Variants in MYLK2 observed in about 807,000 individuals in gnomAD.
MYLK2 encodes myosin light chain kinase 2, skeletal/cardiac muscle.
MYLK2 carries 27 observed loss-of-function variants against 58.2 expected under a neutral mutation model. The observed-to-expected ratio is 0.46, with a 90% CI of 0.34 to 0.64. The LOEUF (loss-of-function observed/expected upper bound fraction) is 0.64, where lower values mean the gene tolerates loss of function less well. Among genes scored for constraint, MYLK2 ranks in the 30% least tolerant of loss-of-function variants. The probability of loss-of-function intolerance (pLI) is 0.01; values close to 1 mark genes in which losing one functional copy is unlikely to be tolerated. For synonymous variants in MYLK2, 310 were observed against 296.7 expected, an observed-to-expected ratio of 1.04 and a Z score of -0.46; for missense variants, 676 against 764.3, an observed-to-expected ratio of 0.88 and a Z score of 1.36.
chr20:31,833,676 G>C, intron 12 of MYLK2, 41 bp from the exon 13 acceptor site: 1 of 1,568,676 alleles, frequency 6.4e-7, no homozygotes, highest in Non-Finnish European at 8.8e-7. Context: ...CTGCCCCCCT[G>C]CCCTGGTGTT....
rs185239866 is a variant in MYLK2 at position 31,823,494 on chromosome 20, C to T, written c.790C>T (p.Pro264Ser). The T allele has an allele frequency of 1.9e-6, 3 of 1,613,258 alleles. No homozygotes were observed. Among genetic ancestry groups the T allele is most frequent in the Non-Finnish European group, 2.5e-6 (3 of 1,180,026 alleles). ...FQILDDCPPPPAPFPHRMVEL... is the reference protein window; with the variant it reads ...FQILDDCPPPSAPFPHRMVEL... ...TCCCCCAGATGATTGCCCGCCACCT[C>T]CGGCCCCCTTCCCTCACCGCATGGT... The change falls in exon 5 of 13, where the codon CCG becomes TCG. Residue 264 changes from proline to serine, a missense_variant. Physicochemically the swap from Pro to Ser is moderately conservative, Grantham distance 74. Coordinates refer to ENST00000375985, the MANE Select transcript of MYLK2 (RefSeq NM_033118.4).
intron 3 of MYLK2, 54 bp downstream of exon 3, chr20:31,820,600 G>T: frequency 1.9e-6 from 3 of 1,587,428 alleles, no homozygotes; most frequent in Non-Finnish European, 2.6e-6. Context: ...GTCCCTAGGG[G>T]TCCTGCTTAA....
Position 31,819,448 on chromosome 20 carries a change from T to C in MYLK2, c.-49+20T>C, listed in dbSNP as rs1198712415. The C allele has an allele frequency of 8.1e-7, 1 of 1,239,788 alleles. No homozygotes were observed. The highest frequency in any genetic ancestry group is 1.2e-6 in the Non-Finnish European group (1 of 868,150). The allele number at this position is 1,239,788 out of a possible 1,614,324, so 76.8% of individuals were successfully genotyped here. ...CTCCAGGTACCTCTCTCCCCTCAGT[T>C]AGCAGGCCTCGGCTTCCTGTCTCAC... On this transcript the variant is annotated intron_variant, in intron 1 of 12. Coordinates refer to ENST00000375985, the MANE Select transcript of MYLK2 (RefSeq NM_033118.4).
chr20:31,833,507 C>T (rs539637133), intron 12 of MYLK2, among the ~76,000 whole-genome samples: 2 of 152,218 alleles, frequency 1.3e-5, no homozygotes, highest in East Asian at 1.9e-4. Context: ...GCAGAGCGGT[C>T]CTTGGTTCAG....
At chr20:31,830,948 G>A (rs2062303352) in intron 9 of MYLK2, 59 bp downstream of exon 9, 2 of 1,613,344 alleles carry the variant, frequency 1.2e-6, no homozygotes, top group Non-Finnish European at 1.7e-6. Flanking sequence ...GGGGACAGGG[G>A]TGGGGTGGAG....
intron 6 of MYLK2, among the ~76,000 whole-genome samples, chr20:31,826,024 G>T (rs1259064561): frequency 6.6e-6 from 1 of 152,146 alleles, no homozygotes; most frequent in Non-Finnish European, 1.5e-5. Flanking sequence ...GTGAGGGCGC[G>T]AGAGTAAGGG....
chr20:31,826,659 A>G lies in MYLK2; in HGVS notation c.1027A>G (p.Ile343Val). ...VMNQLNHRNL[I>V]QLYAAIETPH... ...GAACCAGCTGAACCACCGCAATCTG[A>G]TCCAGCTGTATGCAGCCATCGAGAC... Residue 343 changes from isoleucine to valine, a missense_variant, in exon 7 of 13, where the codon ATC becomes GTC. Coordinates refer to ENST00000375985, the MANE Select transcript of MYLK2 (RefSeq NM_033118.4). 6.2e-7 allele frequency: 1 copy of G among 1,614,026 alleles called. No individual in the cohort carries two copies. Among genetic ancestry groups the G allele is most frequent in the Non-Finnish European group, 8.5e-7 (1 of 1,180,000 alleles).
chr20:31,819,641 C>G lies in MYLK2; in HGVS notation c.52+9C>G, dbSNP rs2062241484. 6.4e-7 allele frequency: 1 copy of G among 1,551,480 alleles called. No individual in the cohort carries two copies. Among genetic ancestry groups the G allele is most frequent in the Non-Finnish European group, 8.7e-7 (1 of 1,146,980 alleles). On this transcript the variant is annotated intron_variant, in intron 2 of 12. Transcript: ENST00000375985. ...TCAGAACCCATCAACAGGTGCCAAG[C>G]TGGGGCAGGAGATGGAGGGAGGAGC... is the stretch of plus-strand genomic sequence containing the variant.
At chr20:31,823,754 G>GTGCA (rs2062264091) in intron 5 of MYLK2, among the ~76,000 whole-genome samples, 172 bp downstream of exon 5, 2 of 152,228 alleles carry the variant, frequency 1.3e-5, no homozygotes, top group South Asian at 4.1e-4. Context: ...ACATGCTGAT[G>GTGCA]TGCACTCAGT....
intron 4 of MYLK2, 75 bp downstream of exon 4, chr20:31,821,812 T>G (rs1406373552): frequency 3.4e-6 from 5 of 1,460,594 alleles, no homozygotes; most frequent in Non-Finnish European, 3.7e-6. Flanking sequence ...GTCCCAAGTC[T>G]ACCTATTCGG....
At position 31,819,523 on chromosome 20, in the gene MYLK2, G is replaced by A; in HGVS notation, c.-48-10G>A. ...GGACAGCCTGACACACTCCACTCTT[G>A]TTTCTGCAGCTAGAAAGACTTGAGT... On this transcript the variant is annotated splice_polypyrimidine_tract_variant and intron_variant, in intron 1 of 12. Transcript: ENST00000375985. 1.3e-6 allele frequency: 2 copies of A among 1,549,674 alleles called. No individual in the cohort carries two copies. The highest frequency in any genetic ancestry group is 1.2e-5 in the South Asian group (1 of 84,020).
rs770944313 is a variant in MYLK2, at chr20:31,820,294, A to C, written c.221A>C (p.Gln74Pro). The C allele has an allele frequency of 1.2e-6, 2 of 1,613,574 alleles. No individual in the cohort carries two copies. Among genetic ancestry groups the C allele is most frequent in the South Asian group, 2.2e-5 (2 of 91,092 alleles). ...GTLAQPSTSSQGPKGEGDRGG... is the reference protein window; with the variant it reads ...GTLAQPSTSSPGPKGEGDRGG... ...CTGGCCCAACCCTCAACTAGCAGCC[A>C]AGGCCCCAAAGGAGAGGGTGACAGG... Residue 74 changes from glutamine to proline, a missense_variant, in exon 3 of 13, where the codon CAA becomes CCA. Physicochemically the swap from Gln to Pro is moderately conservative, Grantham distance 76 (BLOSUM62 -1). This residue lies in a region of MYLK2 where 306 missense variants were observed against 296.5 expected (regional missense o/e 1.03). Transcript: ENST00000375985.
chr20:31,829,741 T>A (rs1600412772), intron 8 of MYLK2, among the ~76,000 whole-genome samples: 1 of 152,070 alleles, frequency 6.6e-6, no homozygotes, highest in African/African-American at 2.4e-5. Context: ...GAATTCAGGG[T>A]TTTTGTGCAG....
rs190110733 is a variant in MYLK2, at chr20:31,827,395, T to A, written c.1224+457T>A. 67 of 985,320 alleles carry A rather than the reference T, an allele frequency of 6.8e-5. No homozygotes were observed. In the African/African-American group the frequency reaches 1.1e-3, roughly 16 times the overall value. 61.0% of individuals were successfully genotyped at this position (985,320 alleles called of 1,614,324 possible). A position where few individuals can be genotyped will look rare whatever the true frequency, so the allele number is the denominator to read the frequency against. On this transcript the variant is annotated intron_variant, in intron 8 of 12. Transcript: ENST00000375985. ...CAGGCAATGCTCTAGGTGGTGGAGA[T>A]CCTGTGGTGAACCAAACAGATAAAA...
chr20:31,830,698 C>A lies in MYLK2; in HGVS notation c.1225-121C>A, dbSNP rs1568634153. On this transcript the variant is annotated intron_variant, in intron 8 of 12. Coordinates refer to ENST00000375985, the MANE Select transcript of MYLK2 (RefSeq NM_033118.4). ...GCAGGCAGGGCTGGAGGGTCTCTGG[C>A]AGCTGCCCACTCTGGCAGCTTGGGC... 3.4e-5 allele frequency: 34 copies of A among 1,011,892 alleles called. 1 individual carries two copies. The East Asian group carries it at 7.3e-4, about 22-fold the overall frequency. The allele number at this position is 1,011,892 out of a possible 1,614,324, so 62.7% of individuals were successfully genotyped here.
chr20:31,827,768 C>T (rs2062287744), intron 8 of MYLK2, among the ~76,000 whole-genome samples: 1 of 152,074 alleles, frequency 6.6e-6, no homozygotes, highest in East Asian at 1.9e-4. Flanking sequence ...ATCCGCCCAC[C>T]TCGGCCTCCC....
intron 2 of MYLK2, 65 bp from the exon 3 acceptor site, chr20:31,820,061 C>T: frequency 6.2e-7 from 1 of 1,601,412 alleles, no homozygotes; most frequent in Non-Finnish European, 8.5e-7. Flanking sequence ...CTGGTCTCTG[C>T]CCAGCCTGGG....
chr20:31,833,962 C>A lies in MYLK2; in HGVS notation c.*165C>A, dbSNP rs961815418. 3 of 642,922 alleles carry A rather than the reference C, an allele frequency of 4.7e-6. No homozygotes were observed. Among genetic ancestry groups the A allele is most frequent in the Non-Finnish European group, 8.1e-6 (3 of 368,146 alleles). 39.8% of individuals were successfully genotyped at this position (642,922 alleles called of 1,614,324 possible). A position where few individuals can be genotyped will look rare whatever the true frequency, so the allele number is the denominator to read the frequency against. The stretch of plus-strand genomic sequence containing the variant: ...GGCTCCCCACGCCCCCATGCAGTGA[C>A]CGCTTCCCCGATGTGAGCCGCCTCG... On this transcript the variant is annotated 3_prime_UTR_variant, in exon 13 of 13. Transcript: ENST00000375985.
At chr20:31,831,305 AC>A (rs2062305366) in intron 10 of MYLK2, among the ~76,000 whole-genome samples, 164 bp downstream of exon 10, 1 of 151,708 alleles carries the variant, frequency 6.6e-6, no homozygotes. Context: ...GGAAAGGGGA[AC>A]GTGGTACCCA....
Sources: gnomAD v4.1 joint callset for allele counts (sites outside exome capture counted in the v4.1 genomes callset) on GRCh38, gnomAD v4.1.1 for gene constraint, gnomAD v4.1.1 regional missense constraint, MANE v1.5 for transcripts, NCBI Gene and HGNC (gene_info 2026-07-23, HGNC 2026-07-21) for gene names.